The following SIRPB1 variants were observed in gnomAD, a reference collection of about 807,000 sequenced individuals.
SIRPB1 encodes signal regulatory protein beta 1.
In SIRPB1, 28 loss-of-function variants were observed where a neutral mutation model predicts 34.1. The ratio of observed to expected loss-of-function variants is 0.82; its 90% confidence interval spans 0.61 to 1.12. The LOEUF is 1.12. Among genes scored for constraint, SIRPB1 ranks in the 50% most tolerant of loss-of-function variants. The probability of loss-of-function intolerance (pLI) is 0.00; values close to 1 mark genes in which losing one functional copy is unlikely to be tolerated. For synonymous variants in SIRPB1, 211 were observed against 203.8 expected, an observed-to-expected ratio of 1.04 and a Z score of -0.30; for missense variants, 499 against 507.0, an observed-to-expected ratio of 0.98 and a Z score of 0.15.
At position 1,610,955 on chromosome 20, in the gene SIRPB1, G is replaced by T. The variant is rs1436852111; in HGVS notation, c.76+8914C>A. Among the ~76,000 whole-genome samples, 7 of 72,702 alleles carry T rather than the reference G, an allele frequency of 9.6e-5. 2 individuals are homozygous for T. The highest frequency in any genetic ancestry group is 1.6e-4 in the Non-Finnish European group (6 of 38,660). The allele number at this position is 72,702 out of a possible 152,430, so 47.7% of individuals were successfully genotyped here. ...GCCTGGCACACAGTGGGGTCTCAGT[G>T]AGTGCCTGCTGCATAAAGAAGAGAC... On this transcript the variant is annotated intron_variant, in intron 1 of 5. Transcript: ENST00000381605.
rs564147280 is a variant in SIRPB1 at position 1,586,597 on chromosome 20, C to T, written c.77-7903G>A. ...GAGCGTTATCGCCTGAGTTCTGCCT[C>T]CTGTCAGATCAGTGGCAGCATTAGA... On this transcript the variant is annotated intron_variant, in intron 1 of 5. Coordinates refer to ENST00000381605, the MANE Select transcript of SIRPB1 (RefSeq NM_006065.5). Among the ~76,000 whole-genome samples, 2 of 48,932 alleles carry T rather than the reference C, an allele frequency of 4.1e-5. 1 individual carries two copies. Among genetic ancestry groups the T allele is most frequent in the East Asian group, 1.2e-3 (2 of 1,672 alleles). The allele number at this position is 48,932 out of a possible 152,430, so 32.1% of individuals were successfully genotyped here. A position where few individuals can be genotyped will look rare whatever the true frequency, so the allele number is the denominator to read the frequency against.
chr20:1,575,954 G>A (rs1463096267), intron 2 of SIRPB1, among the ~76,000 whole-genome samples: 2 of 105,514 alleles, frequency 1.9e-5, no homozygotes, highest in East Asian at 4.7e-4. Context: ...GAGCTTCAGT[G>A]TCCTCATCTT....
chr20:1,566,396 C>T (rs112911644), intron 4 of SIRPB1, 129 bp from the exon 5 acceptor site: 24 of 572,912 alleles, frequency 4.2e-5, no homozygotes, highest in African/African-American at 3.4e-4. Flanking sequence ...TTGCATCCTG[C>T]TCTGGCTTTC....
Position 1,566,165 on chromosome 20 carries a change from T to C in SIRPB1, c.1187A>G (p.Gln396Arg). 1.2e-6 allele frequency: 2 copies of C among 1,606,630 alleles called. No homozygotes were observed. The highest frequency in any genetic ancestry group is 1.7e-6 in the Non-Finnish European group (2 of 1,176,102). Residue 396 changes from glutamine to arginine, a missense_variant, in exon 5 of 6, where the codon CAG (glutamine) becomes CGG (arginine). By Grantham distance (43) the Gln-to-Arg change is conservative. Coordinates refer to ENST00000381605, the MANE Select transcript of SIRPB1 (RefSeq NM_006065.5). ...CTCCTAAACTTACAGTCAGGCCTTC[T>C]GTTTCCAGCAGATGTAGATGGCAGA... ...GVSAIYICWK[Q>R]KA
At position 1,581,789 on chromosome 20, in the gene SIRPB1, C is replaced by T. The variant is rs535752372; in HGVS notation, c.77-3095G>A. Among the ~76,000 whole-genome samples, 2 of 47,510 alleles carry T rather than the reference C, an allele frequency of 4.2e-5. 1 individual carries two copies. The highest frequency in any genetic ancestry group is 2.9e-4 in the Admixed American group (2 of 6,994). The allele number at this position is 47,510 out of a possible 152,430, so 31.2% of individuals were successfully genotyped here. A position where few individuals can be genotyped will look rare whatever the true frequency, so the allele number is the denominator to read the frequency against. ...TACTGATTTGCTACTCTGATTGGCT[C>T]CACAATTTGAGAAGGCTTTTTACCC... On this transcript the variant is annotated intron_variant, in intron 1 of 5. Transcript: ENST00000381605.
chr20:1,568,818 A>T (rs1225300575), intron 4 of SIRPB1, among the ~76,000 whole-genome samples: 18 of 143,396 alleles, frequency 1.3e-4, no homozygotes, highest in East Asian at 5.9e-4. Flanking sequence ...GAATTAATTT[A>T]AAAAAAAAAA....
Sources: gnomAD v4.1 joint callset for allele counts (sites outside exome capture counted in the v4.1 genomes callset) on GRCh38, gnomAD v4.1.1 for gene constraint, MANE v1.5 for transcripts, NCBI Gene and HGNC (gene_info 2026-07-23, HGNC 2026-07-21) for gene names.